PLEKHA6: variants seen among roughly 807,000 people sequenced by gnomAD.
PLEKHA6 encodes the protein pleckstrin homology domain containing A6, also known as pleckstrin homology domain-containing family A member 6.
A neutral mutation model predicts 116.7 loss-of-function variants in PLEKHA6; 60 were observed. That is an observed-to-expected ratio of 0.51 (90% CI 0.42 to 0.64). The LOEUF (loss-of-function observed/expected upper bound fraction) is 0.64, where lower values mean the gene tolerates loss of function less well. PLEKHA6 is among the 30% of genes least tolerant of loss of function. PLEKHA6 has a pLI of 0.00. For synonymous variants in PLEKHA6, 489 were observed against 556.1 expected (o/e 0.88, Z 1.70); for missense variants, 1,338 against 1,422.7 (o/e 0.94, Z 0.96).
upstream of PLEKHA6, among the ~76,000 whole-genome samples, chr1:204,360,350 C>T (rs1225564197): frequency 1.3e-5 from 2 of 151,878 alleles, no homozygotes; most frequent in South Asian, 2.1e-4. Flanking sequence ...GTCAAGAGGG[C>T]TTGGCTGGGG....
chr1:204,362,817 G>T (rs527258537), upstream of PLEKHA6, among the ~76,000 whole-genome samples: 1 of 152,318 alleles, frequency 6.6e-6, no homozygotes, highest in Admixed American at 6.5e-5. Flanking sequence ...GAGTTGCTGG[G>T]ACTTACAGGT....
At chr1:204,301,381 CT>C in intron 1 of PLEKHA6, 1 of 980,890 alleles carries the variant, frequency 1.0e-6, no homozygotes, top group Non-Finnish European at 1.2e-6. Flanking sequence ...CAAAGAACAG[CT>C]CATCAGCCTA....
intron 1 of PLEKHA6, among the ~76,000 whole-genome samples, chr1:204,337,136 G>A (rs754412505): frequency 1.3e-5 from 2 of 152,186 alleles, no homozygotes; most frequent in African/African-American, 2.4e-5. Flanking sequence ...TGTGATTCTG[G>A]CAACTCTATG....
At chr1:204,300,879 T>C (rs2103083948) in intron 1 of PLEKHA6, among the ~76,000 whole-genome samples, 1 of 152,348 alleles carries the variant, frequency 6.6e-6, no homozygotes, top group East Asian at 1.9e-4. Flanking sequence ...AGAGCCGCAA[T>C]GCTTTCATAG....
At chr1:204,348,019 G>A (rs539815723) in intron 1 of PLEKHA6, among the ~76,000 whole-genome samples, 7 of 152,110 alleles carry the variant, frequency 4.6e-5, no homozygotes, top group South Asian at 2.1e-4. Flanking sequence ...AGCTAGAAAC[G>A]TACATCCAAC....
At chr1:204,290,491 T>C (rs1401970411) in intron 1 of PLEKHA6, among the ~76,000 whole-genome samples, 1 of 152,130 alleles carries the variant, frequency 6.6e-6, no homozygotes, top group African/African-American at 2.4e-5. Flanking sequence ...ACAAACAACC[T>C]TGACCCTATC....
intron 1 of PLEKHA6, among the ~76,000 whole-genome samples, chr1:204,345,080 T>C (rs1410685628): frequency 2.6e-5 from 4 of 152,194 alleles, no homozygotes; most frequent in Non-Finnish European, 5.9e-5. Flanking sequence ...GAAAGACATA[T>C]GTGGATGGAA....
At chr1:204,354,454 C>A (rs1673363967) in intron 1 of PLEKHA6, among the ~76,000 whole-genome samples, 3 of 152,224 alleles carry the variant, frequency 2.0e-5, no homozygotes, top group Admixed American at 2.0e-4. Context: ...CACCTCAGCA[C>A]CCATCTGGTC....
At chr1:204,328,174 C>A (rs1356791471) in intron 1 of PLEKHA6, among the ~76,000 whole-genome samples, 1 of 150,978 alleles carries the variant, frequency 6.6e-6, no homozygotes, top group Admixed American at 6.6e-5. Flanking sequence ...CCTCTGCCTC[C>A]TGGGTTCAAG....
chr1:204,315,899 G>A (rs775431480), intron 1 of PLEKHA6, among the ~76,000 whole-genome samples: 2 of 152,202 alleles, frequency 1.3e-5, no homozygotes, highest in Non-Finnish European at 2.9e-5. Flanking sequence ...GGAGACGGGA[G>A]ATTACTGGGG....
Position 204,273,754 on chromosome 1 carries a change from GACC to G in PLEKHA6, c.-13-17_-13-15del. The G allele has an allele frequency of 3.2e-6, 5 of 1,572,404 alleles. No individual in the cohort carries two copies. The highest frequency in any genetic ancestry group is 4.4e-6 in the Non-Finnish European group (5 of 1,142,306). On this transcript the variant is annotated splice_polypyrimidine_tract_variant and intron_variant, in intron 2 of 22. Coordinates refer to ENST00000272203, the MANE Select transcript of PLEKHA6 (RefSeq NM_014935.5). ...TCCAAGGTCGATCTGATTTCAAGTC[GACC>G]AGAGAAAAGAGATTGGTGAGATCCA... is the stretch of plus-strand genomic sequence containing the variant.
At chr1:204,262,430 A>G (rs1482548197) in intron 6 of PLEKHA6, among the ~76,000 whole-genome samples, 1 of 152,222 alleles carries the variant, frequency 6.6e-6, no homozygotes, top group Non-Finnish European at 1.5e-5. Context: ...AAAAGAGGCC[A>G]CAGGACTAAA....
chr1:204,340,864 AT>A (rs1672821676), intron 1 of PLEKHA6, among the ~76,000 whole-genome samples: 1 of 152,362 alleles, frequency 6.6e-6, no homozygotes, highest in Admixed American at 6.5e-5. Flanking sequence ...GCCTTTGGCT[AT>A]TTTTGTTAAG....
intron 15 of PLEKHA6, among the ~76,000 whole-genome samples, chr1:204,242,201 C>A (rs1295362057): frequency 6.6e-6 from 1 of 152,154 alleles, no homozygotes; most frequent in Non-Finnish European, 1.5e-5. Flanking sequence ...ACCAGGCGGG[C>A]CTTGGTACCA....
At chr1:204,274,684 G>A in intron 2 of PLEKHA6, 45 bp downstream of exon 2, 2 of 985,806 alleles carry the variant, frequency 2.0e-6, no homozygotes, top group Non-Finnish European at 2.4e-6. Context: ...GGATGGTAGT[G>A]GTTAAGGGCA....
intron 1 of PLEKHA6, among the ~76,000 whole-genome samples, chr1:204,283,325 T>A (rs1668834864): frequency 6.6e-6 from 1 of 152,214 alleles, no homozygotes. Context: ...AATCAAGCTG[T>A]CTGGTATCTT....
At chr1:204,314,832 G>A (rs1228100182) in intron 1 of PLEKHA6, among the ~76,000 whole-genome samples, 1 of 143,482 alleles carries the variant, frequency 7.0e-6, no homozygotes, top group Non-Finnish European at 1.6e-5. Flanking sequence ...ATGTATGCTG[G>A]TATTTGGGGA....
intron 1 of PLEKHA6, among the ~76,000 whole-genome samples, chr1:204,327,877 G>A (rs1672297352): frequency 6.6e-6 from 1 of 152,184 alleles, no homozygotes; most frequent in South Asian, 2.1e-4. Flanking sequence ...TGGGATGGCT[G>A]GCTTTCCTTT....
chr1:204,291,141 AG>A (rs1669713054), intron 1 of PLEKHA6, among the ~76,000 whole-genome samples: 1 of 152,214 alleles, frequency 6.6e-6, no homozygotes, highest in Non-Finnish European at 1.5e-5. Flanking sequence ...ACAACACCAA[AG>A]TTATACACAT....
Sources: gnomAD v4.1 joint callset for allele counts (sites outside exome capture counted in the v4.1 genomes callset) on GRCh38, gnomAD v4.1.1 for gene constraint, MANE v1.5 for transcripts, NCBI Gene and HGNC (gene_info 2026-07-23, HGNC 2026-07-21) for gene names.